The following DLGAP4 variants were observed in gnomAD, a reference collection of about 807,000 sequenced individuals.
DLGAP4 encodes the protein disks large-associated protein 4.
DLGAP4 carries 18 observed loss-of-function variants against 86.9 expected under a neutral mutation model. That is an observed-to-expected ratio of 0.21 (90% CI 0.14 to 0.31). DLGAP4 has a LOEUF of 0.31. Ranked by LOEUF, DLGAP4 falls within the 10% of genes least tolerant of loss-of-function variation. The probability of loss-of-function intolerance (pLI) is 1.00; values close to 1 mark genes in which losing one functional copy is unlikely to be tolerated. For missense variants in DLGAP4, 1,085 were observed against 1,362.6 expected (o/e 0.80, Z 3.21); for synonymous variants, 548 against 574.3 (o/e 0.95, Z 0.65).
rs373299123 is a variant in DLGAP4 at position 36,496,724 on chromosome 20, G to T, written c.1668G>T (p.Ala556=). The T allele has an allele frequency of 1.2e-6, 2 of 1,606,816 alleles. No homozygotes were observed. Among genetic ancestry groups the T allele is most frequent in the Non-Finnish European group, 1.7e-6 (2 of 1,174,072 alleles). ...CTGCAGGTTCATCATGCCTAGTGGC[G>T]TATAAGAAGACCCCGCCACCGGTCC... The part of the protein sequence containing the change: ...RTLPSSSCLV[A]YKKTPPPVPP... Residue 556 remains alanine (A), a synonymous_variant, in exon 8 of 13, where the codon GCG becomes GCT. Coordinates refer to ENST00000339266, the MANE Select transcript of DLGAP4 (RefSeq NM_001365621.2).
chr20:36,385,035 G>A (rs914106096), intron 2 of DLGAP4, among the ~76,000 whole-genome samples: 2 of 152,140 alleles, frequency 1.3e-5, no homozygotes, highest in Non-Finnish European at 2.9e-5. Context: ...GGTGTCATCT[G>A]GTCCAGCCCA....
intron 2 of DLGAP4, among the ~76,000 whole-genome samples, chr20:36,378,960 G>A (rs1358011020): frequency 6.6e-6 from 1 of 152,160 alleles, no homozygotes; most frequent in African/African-American, 2.4e-5. Context: ...GGAAAAGATG[G>A]GCACGCTTCC....
At chr20:36,459,430 G>A (rs2033964450) in intron 7 of DLGAP4, among the ~76,000 whole-genome samples, 1 of 152,086 alleles carries the variant, frequency 6.6e-6, no homozygotes, top group Non-Finnish European at 1.5e-5. Context: ...AAATTGGAGT[G>A]CCGTGGCAGG....
chr20:36,360,601 C>T (rs529455295), intron 1 of DLGAP4, among the ~76,000 whole-genome samples: 3 of 149,774 alleles, frequency 2.0e-5, no homozygotes, highest in Non-Finnish European at 4.4e-5. Flanking sequence ...TTGTGGGTGG[C>T]GGCTTGGTGG....
intron 2 of DLGAP4, among the ~76,000 whole-genome samples, chr20:36,401,880 AAG>A (rs1217850884): frequency 6.6e-6 from 1 of 152,180 alleles, no homozygotes. Flanking sequence ...GTATTCTAGA[AAG>A]AGGTACAGCC....
chr20:36,504,352 T>TTTCATTTTTATGGC (rs111674986), intron 10 of DLGAP4, among the ~76,000 whole-genome samples: 9,984 of 152,130 alleles, frequency 0.066, 1,146 homozygotes, highest in African/African-American at 0.23. Context: ...GTTACAGCAT[T>TTTCATTTTTATGGC]TTCATTTTTA....
At chr20:36,473,188 C>T (rs2034751303) in intron 7 of DLGAP4, 1 of 152,242 alleles carries the variant, frequency 6.6e-6, no homozygotes, top group Non-Finnish European at 1.5e-5. Context: ...AGCCAGTGCC[C>T]TGTCTTTACC....
intron 1 of DLGAP4, among the ~76,000 whole-genome samples, chr20:36,340,770 C>T (rs1555892418): frequency 2.6e-5 from 4 of 152,236 alleles, no homozygotes; most frequent in African/African-American, 7.2e-5. Context: ...CCAGTTCAGC[C>T]TGGTCCCTCG....
intron 10 of DLGAP4, among the ~76,000 whole-genome samples, chr20:36,513,480 G>A (rs1045353994): frequency 4.0e-5 from 6 of 149,648 alleles, no homozygotes; most frequent in Admixed American, 6.7e-5. Flanking sequence ...CCCGGGAAGC[G>A]GAGCTTGCAG....
At chr20:36,375,445 A>G (rs1461365832) in intron 2 of DLGAP4, among the ~76,000 whole-genome samples, 1 of 152,108 alleles carries the variant, frequency 6.6e-6, no homozygotes, top group East Asian at 1.9e-4. Flanking sequence ...ATTCATCCCC[A>G]CACTCCACAG....
At chr20:36,471,838 C>G (rs1374712845) in intron 7 of DLGAP4, among the ~76,000 whole-genome samples, 1 of 152,130 alleles carries the variant, frequency 6.6e-6, no homozygotes, top group Non-Finnish European at 1.5e-5. Flanking sequence ...GGTGTCTCCT[C>G]TTGCTGTGCT....
chr20:36,496,618 G>C, intron 7 of DLGAP4, 87 bp from the exon 8 acceptor site: 1 of 1,513,234 alleles, frequency 6.6e-7, no homozygotes, highest in South Asian at 1.3e-5. Context: ...GCCAAGTCAG[G>C]CAGGGCTTCT....
intron 10 of DLGAP4, among the ~76,000 whole-genome samples, chr20:36,513,323 T>C (rs975578231): frequency 1.4e-5 from 2 of 145,050 alleles, no homozygotes. Flanking sequence ...CCGAGGCGGG[T>C]GGATCATGAG....
At chr20:36,463,315 C>A (rs187373058) in intron 7 of DLGAP4, among the ~76,000 whole-genome samples, 1 of 152,310 alleles carries the variant, frequency 6.6e-6, no homozygotes, top group African/African-American at 2.4e-5. Context: ...ACACTGTTGT[C>A]ATGATGATCA....
At chr20:36,396,241 G>C (rs1291422154) in intron 2 of DLGAP4, among the ~76,000 whole-genome samples, 1 of 151,284 alleles carries the variant, frequency 6.6e-6, no homozygotes, top group Non-Finnish European at 1.5e-5. Flanking sequence ...GGGGTTACTT[G>C]ACCGGCTTGA....
At chr20:36,307,454 C>T (rs1326970978) in intron 1 of DLGAP4, among the ~76,000 whole-genome samples, 1 of 152,202 alleles carries the variant, frequency 6.6e-6, no homozygotes, top group Non-Finnish European at 1.5e-5. Context: ...CGGCCCTTCT[C>T]CCCTTCTTCC....
chr20:36,501,882 T>C (rs2036158612), intron 10 of DLGAP4, among the ~76,000 whole-genome samples: 1 of 152,182 alleles, frequency 6.6e-6, no homozygotes, highest in South Asian at 2.1e-4. Context: ...CTTTTTACAA[T>C]AATAGTATTT....
chr20:36,312,719 GGGGGCAGT>G (rs2065063769), intron 1 of DLGAP4, among the ~76,000 whole-genome samples: 2 of 152,166 alleles, frequency 1.3e-5, no homozygotes, highest in African/African-American at 4.8e-5. Flanking sequence ...CTGTGCTGGT[GGGGGCAGT>G]GGGACTCTGC....
chr20:36,457,609 G>T (rs1447473622), intron 7 of DLGAP4, among the ~76,000 whole-genome samples: 1 of 151,930 alleles, frequency 6.6e-6, no homozygotes, highest in Non-Finnish European at 1.5e-5. Flanking sequence ...TTGAACTCCT[G>T]ACCTCAGGTA....
Sources: allele counts gnomAD v4.1 joint callset (sites outside exome capture counted in the v4.1 genomes callset), GRCh38; gene constraint gnomAD v4.1.1; transcripts MANE v1.5; gene names NCBI Gene and HGNC (gene_info 2026-07-23, HGNC 2026-07-21).